The following TRPM1 variants were observed in gnomAD, a reference collection of about 807,000 sequenced individuals.
TRPM1 encodes the protein TRPM1-203 APA Isoform, Intron 10.
Under a neutral mutation model 149.4 loss-of-function variants are expected in TRPM1, and 113 were observed. That is an observed-to-expected ratio of 0.76 (90% CI 0.65 to 0.88). TRPM1 has a LOEUF of 0.88. Ranked by LOEUF, TRPM1 falls within the 40% of genes least tolerant of loss-of-function variation. The pLI is 0.00. For synonymous variants in TRPM1, 741 were observed against 759.5 expected, an observed-to-expected ratio of 0.98 and a Z score of 0.40; for missense variants, 1,976 against 2,038.7, an observed-to-expected ratio of 0.97 and a Z score of 0.59.
chr15:31,151,237 ACT>A (rs1252120467), intron 1 of TRPM1, among the ~76,000 whole-genome samples: 3 of 151,944 alleles, frequency 2.0e-5, no homozygotes, highest in Non-Finnish European at 4.4e-5. Flanking sequence ...AGACTCTAAC[ACT>A]CTGGTGAGGG....
intron 27 of TRPM1, among the ~76,000 whole-genome samples, chr15:31,011,328 G>A (rs1239976924): frequency 6.6e-6 from 1 of 151,878 alleles, no homozygotes; most frequent in Non-Finnish European, 1.5e-5. Context: ...TTTTCTATAT[G>A]TTATGTCTTT....
chr15:31,089,356 A>C (rs1483448236), intron 1 of TRPM1, among the ~76,000 whole-genome samples: 8 of 152,108 alleles, frequency 5.3e-5, no homozygotes, highest in African/African-American at 1.9e-4. Context: ...AAAATCCGGG[A>C]GGCTATCTTG....
At chr15:31,100,685 G>A (rs762359227) in intron 1 of TRPM1, among the ~76,000 whole-genome samples, 7 of 152,224 alleles carry the variant, frequency 4.6e-5, no homozygotes, top group South Asian at 2.1e-4. Flanking sequence ...GGCTTTTTCC[G>A]TGAATAGATT....
At position 31,067,886 on chromosome 15, in the gene TRPM1, G is replaced by A. The variant is rs765394577; in HGVS notation, c.486C>T (p.Val162=). ...TTGAWIFTGG[V]STGVISHVGD... ...GAAAGGGCCTGCTCTTACCTGTGCT[G>A]ACACCCCCGGTGAAGATCCAGGCCC... Residue 162 remains valine, a synonymous_variant, in exon 5 of 28, where the codon GTC becomes GTT. Coordinates refer to ENST00000256552, the MANE Select transcript of TRPM1 (RefSeq NM_001252024.2). 4.3e-6 allele frequency: 7 copies of A among 1,612,752 alleles called. No individual in the cohort carries two copies. Among genetic ancestry groups the A allele is most frequent in the Non-Finnish European group, 5.9e-6 (7 of 1,179,908 alleles).
At position 31,067,049 on chromosome 15, in the gene TRPM1, G is replaced by C; in HGVS notation, c.618+14C>G. 1 of 1,614,164 alleles carries C rather than the reference G, an allele frequency of 6.2e-7. No homozygotes were observed. Among genetic ancestry groups the C allele is most frequent in the Non-Finnish European group, 8.5e-7 (1 of 1,180,024 alleles). On this transcript the variant is annotated intron_variant, in intron 6 of 27. Transcript: ENST00000256552. ...TTTTAAAAAACTGCCAACATTTGCA[G>C]AGAAAACACTTACATCCTTTCCAAC...
chr15:31,063,712 C>T (rs2034297181), intron 7 of TRPM1, among the ~76,000 whole-genome samples: 1 of 152,152 alleles, frequency 6.6e-6, no homozygotes, highest in African/African-American at 2.4e-5. Context: ...CTTGGCCTCC[C>T]AAAGTGCTAG....
At chr15:31,106,541 G>A (rs781681914), upstream of TRPM1, among the ~76,000 whole-genome samples, 1 of 152,210 alleles carries the variant, frequency 6.6e-6, no homozygotes, top group Non-Finnish European at 1.5e-5. Context: ...AGATGGTAGA[G>A]GACTTTACAC....
At chr15:31,144,699 C>T (rs2036201976) in intron 1 of TRPM1, among the ~76,000 whole-genome samples, 1 of 148,476 alleles carries the variant, frequency 6.7e-6, no homozygotes, top group African/African-American at 2.5e-5. Context: ...TGGCCCTTTT[C>T]ATTGTTTTTG....
intron 1 of TRPM1, among the ~76,000 whole-genome samples, chr15:31,139,886 T>A (rs925105279): frequency 1.3e-5 from 2 of 152,240 alleles, no homozygotes; most frequent in Non-Finnish European, 2.9e-5. Flanking sequence ...ATAAATAGCA[T>A]TCTCATAATT....
intron 1 of TRPM1, among the ~76,000 whole-genome samples, chr15:31,093,032 G>A (rs1487013282): frequency 4.6e-5 from 7 of 152,078 alleles, no homozygotes; most frequent in South Asian, 2.1e-4. Context: ...AGGCTGAGGC[G>A]GGTGGATCAC....
In TRPM1 at chr15:31,026,966, G is replaced by A. The variant is rs1227087168; in HGVS notation, c.3445C>T (p.Arg1149Cys). 12 of 1,613,976 alleles carry A rather than the reference G, an allele frequency of 7.4e-6. No homozygotes were observed. The highest frequency in any genetic ancestry group is 1.3e-5 in the African/African-American group (1 of 74,884). Reference sequence around the variant, plus strand: ...TCCCCTTCTCTCTTTTTCCTGCAGCGGCCGCTGAGACGCATAATGATGATG... The same window carrying A: ...TCCCCTTCTCTCTTTTTCCTGCAGCAGCCGCTGAGACGCATAATGATGATG... ...IYIIIMRLSG[R>C]CRKKREGDQE... The change falls in exon 26 of 28, where the codon CGC (arginine) becomes TGC (cysteine). Residue 1149 changes from arginine to cysteine, a missense_variant. Physicochemically the swap from Arg to Cys is radical, Grantham distance 180 (BLOSUM62 -3). Transcript: ENST00000256552.
chr15:31,089,337 A>G (rs1313076046), intron 1 of TRPM1, among the ~76,000 whole-genome samples: 3 of 152,076 alleles, frequency 2.0e-5, no homozygotes, highest in Admixed American at 6.5e-5. Flanking sequence ...AACTTTTCCC[A>G]CTTGGTTCAA....
Position 31,047,915 on chromosome 15 carries a change from G to A in TRPM1, c.1597C>T (p.His533Tyr), listed in dbSNP as rs2140937475. 1 of 1,613,922 alleles carries A rather than the reference G, an allele frequency of 6.2e-7. No homozygotes were observed. Among genetic ancestry groups the A allele is most frequent in the Non-Finnish European group, 8.5e-7 (1 of 1,179,774 alleles). The change falls in exon 14 of 28, where the codon CAT (histidine) becomes TAT (tyrosine). Residue 533 changes from histidine to tyrosine, a missense_variant. Physicochemically the swap from His to Tyr is moderately conservative, Grantham distance 83. Around this residue, in one of 3 missense-constraint regions of TRPM1, gnomAD observed 1,332 missense variants for 1,347.1 expected, o/e 0.99. Coordinates refer to ENST00000256552, the MANE Select transcript of TRPM1 (RefSeq NM_001252024.2). Reference sequence around the variant, plus strand: ...TTTTTCACATCCCTCACCAGCAGATGAAGTGTGTTTGGTGGACCCAGTCTC... The same window carrying A: ...TTTTTCACATCCCTCACCAGCAGATAAAGTGTGTTTGGTGGACCCAGTCTC... ...NTRLGPPNTL[H>Y]LLVRDVKKSN...
upstream of TRPM1, among the ~76,000 whole-genome samples, chr15:31,103,841 G>T (rs1349226897): frequency 1.3e-5 from 2 of 148,406 alleles, no homozygotes; most frequent in Non-Finnish European, 3.0e-5. Context: ...GAGAAAGAAA[G>T]AAAAAGAAAA....
chr15:31,068,457 C>T (rs1371329895), intron 4 of TRPM1, among the ~76,000 whole-genome samples: 2 of 152,026 alleles, frequency 1.3e-5, no homozygotes, highest in African/African-American at 4.8e-5. Flanking sequence ...AAAGAGGACT[C>T]AGGGCTGGGC....
intron 1 of TRPM1, among the ~76,000 whole-genome samples, chr15:31,089,924 G>C (rs960475468): frequency 2.0e-5 from 3 of 152,200 alleles, no homozygotes; most frequent in African/African-American, 7.2e-5. Flanking sequence ...TTGGCCGGGA[G>C]CACCGTGTGG....
intron 1 of TRPM1, among the ~76,000 whole-genome samples, chr15:31,087,231 A>ATTTTTTTTTTTTTTTTTTTTTT (rs58872566): frequency 3.4e-5 from 2 of 59,402 alleles, no homozygotes; most frequent in African/African-American, 1.4e-4. Context: ...CTCAATAGGG[A>ATTTTTTTTTTTTTTTTTTTTTT]TTTTTTTTTT....
chr15:31,133,770 C>A (rs544646476), intron 1 of TRPM1, among the ~76,000 whole-genome samples: 1 of 152,216 alleles, frequency 6.6e-6, no homozygotes, highest in South Asian at 2.1e-4. Context: ...CAGCCTAGAG[C>A]TTCTCCAGAC....
intron 3 of TRPM1, 114 bp downstream of exon 3, chr15:31,076,791 G>A (rs1305308188): frequency 3.6e-6 from 3 of 830,346 alleles, no homozygotes; most frequent in Admixed American, 3.5e-5. Flanking sequence ...GACTCCCATG[G>A]GGAATGGATT....
Sources: allele counts gnomAD v4.1 joint callset (sites outside exome capture counted in the v4.1 genomes callset), GRCh38; gene constraint gnomAD v4.1.1; regional missense constraint gnomAD v4.1.1; transcripts MANE v1.5; gene names NCBI Gene and HGNC (gene_info 2026-07-23, HGNC 2026-07-21).